Variants in NAA16 observed in about 807,000 individuals in gnomAD.
The protein encoded by NAA16 is N-alpha-acetyltransferase 16, NatA auxiliary subunit.
Under a neutral mutation model 110.3 loss-of-function variants are expected in NAA16, and 97 were observed. The observed-to-expected ratio is 0.88, with a 90% CI of 0.75 to 1.04. The LOEUF (loss-of-function observed/expected upper bound fraction) is 1.04. Ranked by LOEUF, NAA16 falls within the 50% of genes least tolerant of loss-of-function variation. NAA16 has a pLI of 0.00. For missense variants in NAA16, 1,017 were observed against 1,005.1 expected (o/e 1.01, Z -0.16); for synonymous variants, 372 against 330.6 (o/e 1.13, Z -1.36).
intron 1 of NAA16, among the ~76,000 whole-genome samples, chr13:41,314,001 T>C (rs1311831699): frequency 6.6e-6 from 1 of 151,970 alleles, no homozygotes; most frequent in African/African-American, 2.4e-5. Flanking sequence ...AGATTACAGG[T>C]TGACTTGTCT....
rs1446528265 is a variant in NAA16, at chr13:41,375,773, C to A, written c.*171C>A. 5 of 517,582 alleles carry A rather than the reference C, an allele frequency of 9.7e-6. No individual in the cohort carries two copies. In the Admixed American group the frequency reaches 1.8e-4, roughly 18 times the overall value. 32.1% of individuals were successfully genotyped at this position (517,582 alleles called of 1,614,324 possible). A position where few individuals can be genotyped will look rare whatever the true frequency, so the allele number is the denominator to read the frequency against. The stretch of plus-strand genomic sequence containing the variant: ...TACCCGACCTGCCAATTTACATAAC[C>A]ATCTGTTAAAATTACCTGTTTATTC... On this transcript the variant is annotated 3_prime_UTR_variant, in exon 20 of 20. Transcript: ENST00000379406.
At chr13:41,370,020 ATGT>A (rs1215849066) in intron 15 of NAA16, among the ~76,000 whole-genome samples, 5 of 152,324 alleles carry the variant, frequency 3.3e-5, no homozygotes, top group Middle Eastern at 3.4e-3. Flanking sequence ...CTTACTAGAA[ATGT>A]TGTAGCTACA....
chr13:41,362,731 C>T (rs1173963035), intron 13 of NAA16: 1 of 1,289,638 alleles, frequency 7.8e-7, no homozygotes, highest in East Asian at 5.5e-5. Context: ...ATCTCTGAAG[C>T]ACTCTCCTTC....
chr13:41,358,244 G>A, intron 10 of NAA16, 60 bp from the exon 11 acceptor site: 1 of 1,420,490 alleles, frequency 7.0e-7, no homozygotes, highest in Non-Finnish European at 9.8e-7. Context: ...TTAGGAGAGA[G>A]AAAATATGTG....
At chr13:41,359,233 T>C (rs543318967) in intron 12 of NAA16, among the ~76,000 whole-genome samples, 1 of 152,332 alleles carries the variant, frequency 6.6e-6, no homozygotes, top group Non-Finnish European at 1.5e-5. Context: ...TGCTATACTT[T>C]AGCACTTACG....
At chr13:41,323,285 C>A in intron 5 of NAA16, 95 bp downstream of exon 5, 2 of 1,251,184 alleles carry the variant, frequency 1.6e-6, no homozygotes, top group Non-Finnish European at 2.3e-6. Context: ...TATTTGAAAC[C>A]TATGGAAAAC....
intron 12 of NAA16, among the ~76,000 whole-genome samples, chr13:41,361,786 T>A (rs1329340193): frequency 1.3e-5 from 2 of 152,224 alleles, no homozygotes; most frequent in Non-Finnish European, 2.9e-5. Flanking sequence ...AATTGTTTAT[T>A]TCTGCAATTT....
intron 5 of NAA16, among the ~76,000 whole-genome samples, chr13:41,324,972 T>TTA (rs2042052543): frequency 6.6e-6 from 1 of 150,540 alleles, no homozygotes; most frequent in African/African-American, 2.4e-5. Context: ...TTTTTTTTTT[T>TTA]TTTGAGACTG....
chr13:41,374,653 A>C (rs1336583277), intron 18 of NAA16, 89 bp from the exon 19 acceptor site: 1 of 876,832 alleles, frequency 1.1e-6, no homozygotes, highest in Non-Finnish European at 1.8e-6. Flanking sequence ...TAAACACTTA[A>C]AACCATATTT....
rs2043434037 is a variant in NAA16, at chr13:41,376,819, T to A, written c.*1217T>A. The A allele has an allele frequency of 6.6e-6, 1 of 152,222 alleles. No individual in the cohort carries two copies. The highest frequency in any genetic ancestry group is 2.1e-4 in the South Asian group (1 of 4,832). The allele number at this position is 152,222 out of a possible 1,614,324, so 9.4% of individuals were successfully genotyped here. ...TCTTGTACAGAAAACAGTAATGGAA[T>A]CACTCATGTTCAGAACCTTGTAAAT... On this transcript the variant is annotated 3_prime_UTR_variant, in exon 20 of 20. Coordinates refer to ENST00000379406, the MANE Select transcript of NAA16 (RefSeq NM_024561.5).
At chr13:41,345,706 C>T (rs2042664071) in intron 9 of NAA16, among the ~76,000 whole-genome samples, 1 of 152,146 alleles carries the variant, frequency 6.6e-6, no homozygotes, top group Non-Finnish European at 1.5e-5. Context: ...CCTCCACTTC[C>T]TGAGTATCTG....
chr13:41,367,786 C>CA, intron 14 of NAA16, 134 bp downstream of exon 14: 3 of 549,088 alleles, frequency 5.5e-6, no homozygotes, highest in South Asian at 7.2e-5. Context: ...ACTCATATGC[C>CA]AAAAAACAAA....
intron 13 of NAA16, chr13:41,362,801 C>T (rs1347890321): frequency 7.8e-7 from 1 of 1,289,712 alleles, no homozygotes; most frequent in African/African-American, 1.5e-5. Flanking sequence ...CCTCAGCAGC[C>T]CTCAGTTGTG....
Position 41,374,857 on chromosome 13 carries a change from G to T in NAA16, c.2397+18G>T. ...ATGTAAAGGTAAGTTTTTTTTCTTT[G>T]GCTGATTTATGCTTACACAGTGATC... On this transcript the variant is annotated intron_variant, in intron 19 of 19. Transcript: ENST00000379406. 3 of 1,483,426 alleles carry T rather than the reference G, an allele frequency of 2.0e-6. No individual in the cohort carries two copies. The highest frequency in any genetic ancestry group is 1.2e-5 in the South Asian group (1 of 85,528). The allele number at this position is 1,483,426 out of a possible 1,614,324, so 91.9% of individuals were successfully genotyped here.
At chr13:41,346,558 C>T (rs910509590) in intron 9 of NAA16, among the ~76,000 whole-genome samples, 1 of 152,078 alleles carries the variant, frequency 6.6e-6, no homozygotes, top group Non-Finnish European at 1.5e-5. Context: ...TCGAGGTTTC[C>T]TTAGGGTAGG....
Position 41,320,710 on chromosome 13 carries a change from T to C in NAA16, c.288T>C (p.Tyr96=). The change falls in exon 4 of 20, where the codon TAT becomes TAC. Residue 96 remains tyrosine, a synonymous_variant. Coordinates refer to ENST00000379406, the MANE Select transcript of NAA16 (RefSeq NM_024561.5). ...TCTTGCAGCGTTCTGATAAAAAATA[T>C]GATGAAGCTATAAAATGTTACCGAA... The part of the protein sequence containing the change: ...YGLLQRSDKK[Y]DEAIKCYRNA... 1.9e-6 allele frequency: 3 copies of C among 1,612,250 alleles called. No homozygotes were observed. Among genetic ancestry groups the C allele is most frequent in the South Asian group, 2.2e-5 (2 of 90,684 alleles).
intron 13 of NAA16, chr13:41,362,861 G>A (rs2043141351): frequency 1.6e-6 from 2 of 1,280,988 alleles, no homozygotes; most frequent in Non-Finnish European, 2.0e-6. Context: ...AGAACCACAG[G>A]CATCGTAGTC....
chr13:41,316,310 T>A (rs1203046734), intron 1 of NAA16, among the ~76,000 whole-genome samples: 1 of 150,084 alleles, frequency 6.7e-6, no homozygotes, highest in African/African-American at 2.4e-5. Context: ...TTGTAATTTT[T>A]TTTTTTTTTT....
chr13:41,375,517 T>G lies in NAA16; in HGVS notation c.2510T>G (p.Phe837Cys). The G allele has an allele frequency of 6.2e-7, 1 of 1,614,138 alleles. No homozygotes were observed. Among genetic ancestry groups the G allele is most frequent in the Non-Finnish European group, 8.5e-7 (1 of 1,179,976 alleles). Reference sequence around the variant, plus strand: ...AACCTGCTTCCTTTTACATCTGCCTTCTTGCCTGCTGTGAATGAAGTCGAC... The same window carrying G: ...AACCTGCTTCCTTTTACATCTGCCTGCTTGCCTGCTGTGAATGAAGTCGAC... ...CHNLLPFTSA[F>C]LPAVNEVDNP... The change falls in exon 20 of 20, where the codon TTC becomes TGC. Residue 837 changes from phenylalanine to cysteine, a missense_variant. Phe to Cys is a radical substitution (Grantham distance 205). Transcript: ENST00000379406.
Sources: gnomAD v4.1 joint callset for allele counts (sites outside exome capture counted in the v4.1 genomes callset) on GRCh38, gnomAD v4.1.1 for gene constraint, MANE v1.5 for transcripts, NCBI Gene and HGNC (gene_info 2026-07-23, HGNC 2026-07-21) for gene names.